Variants in CDC42BPA observed in about 807,000 individuals in gnomAD.
CDC42BPA encodes serine/threonine-protein kinase MRCK alpha.
CDC42BPA carries 80 observed loss-of-function variants against 223.5 expected under a neutral mutation model. That is an observed-to-expected ratio of 0.36 (90% CI 0.30 to 0.43). CDC42BPA has a LOEUF of 0.43. CDC42BPA is among the 20% of genes least tolerant of loss of function. The probability of loss-of-function intolerance (pLI) is 1.00; values close to 1 mark genes in which losing one functional copy is unlikely to be tolerated. For synonymous variants in CDC42BPA, 694 were observed against 718.6 expected (o/e 0.97, Z 0.55); for missense variants, 1,743 against 2,099.9 (o/e 0.83, Z 3.32).
Position 226,993,923 on chromosome 1 carries a change from G to A in CDC42BPA, c.*345C>T, listed in dbSNP as rs1661061860. 5.3e-6 allele frequency: 1 copy of A among 187,402 alleles called. No individual in the cohort carries two copies. Among genetic ancestry groups the A allele is most frequent in the African/African-American group, 2.4e-5 (1 of 42,194 alleles). The allele number at this position is 187,402 out of a possible 1,614,324, so 11.6% of individuals were successfully genotyped here. On this transcript the variant is annotated 3_prime_UTR_variant, in exon 37 of 37. Transcript: ENST00000366766. ...ACTATAATGAGACTCTACTGTGAAA[G>A]CAAAATCTGTCTAATCTTATTCTTA...
At chr1:227,032,992 T>G (rs908958123) in intron 27 of CDC42BPA, among the ~76,000 whole-genome samples, 1 of 152,232 alleles carries the variant, frequency 6.6e-6, no homozygotes, top group Admixed American at 6.5e-5. Flanking sequence ...CGCATTAATT[T>G]TTCAAGACAG....
chr1:227,033,257 A>G, intron 27 of CDC42BPA, 77 bp downstream of exon 27: 2 of 851,980 alleles, frequency 2.3e-6, no homozygotes, highest in Non-Finnish European at 3.9e-6. Context: ...TAGTGAATTT[A>G]TGATTTATAT....
intron 5 of CDC42BPA, among the ~76,000 whole-genome samples, chr1:227,171,216 CTAAT>C (rs1558668785): frequency 1.3e-5 from 2 of 152,174 alleles, no homozygotes; most frequent in African/African-American, 2.4e-5. Flanking sequence ...AACATGTACA[CTAAT>C]TAAAGTTTCT....
chr1:227,259,829 T>C (rs1423504162), intron 1 of CDC42BPA, among the ~76,000 whole-genome samples: 2 of 150,810 alleles, frequency 1.3e-5, no homozygotes, highest in African/African-American at 2.5e-5. Flanking sequence ...GAATGTGATA[T>C]AAAAATAAAC....
At position 227,011,736 on chromosome 1, in the gene CDC42BPA, A is replaced by G. The variant is rs200814770; in HGVS notation, c.4857+4344T>C. ...AATAATGTAATATCAAAGATATAGA[A>G]AAAAGCTTTTGAATCCAAGGACTAT... is the stretch of plus-strand genomic sequence containing the variant. On this transcript the variant is annotated intron_variant, in intron 34 of 36. Coordinates refer to ENST00000366766, the MANE Select transcript of CDC42BPA (RefSeq NM_001394014.1). Among the ~76,000 whole-genome samples the G allele has an allele frequency of 3.3e-5, 5 of 152,316 alleles. No homozygotes were observed. The East Asian group carries it at 5.8e-4, about 18-fold the overall frequency.
At chr1:227,226,320 G>A (rs1023759868) in intron 2 of CDC42BPA, among the ~76,000 whole-genome samples, 11 of 152,306 alleles carry the variant, frequency 7.2e-5, no homozygotes, top group Admixed American at 5.9e-4. Flanking sequence ...TTGGCTCCAG[G>A]TTTAAGTCTT....
intron 5 of CDC42BPA, among the ~76,000 whole-genome samples, chr1:227,177,125 A>C (rs1249339125): frequency 5.9e-5 from 3 of 50,516 alleles, no homozygotes; most frequent in Non-Finnish European, 1.2e-4. Flanking sequence ...TTAAAGATGT[A>C]AGAAAAAAAA....
At position 227,284,261 on chromosome 1, in the gene CDC42BPA, A is replaced by T. The variant is rs540486328; in HGVS notation, c.179-30106T>A. 2.6e-5 allele frequency among the ~76,000 whole-genome samples: 4 copies of T among 152,256 alleles called. No individual in the cohort carries two copies. In the East Asian group the frequency reaches 5.8e-4, roughly 22 times the overall value. On this transcript the variant is annotated intron_variant, in intron 1 of 36. Transcript: ENST00000366766. Reference sequence around the variant, plus strand: ...GCATTTCCTAAAAAGTAATGATTTAATTTTTTATATTTTATTCTCCTTGAA... The same window carrying T: ...GCATTTCCTAAAAAGTAATGATTTATTTTTTTATATTTTATTCTCCTTGAA...
chr1:227,313,130 C>T (rs1693813358), intron 1 of CDC42BPA, among the ~76,000 whole-genome samples: 1 of 152,046 alleles, frequency 6.6e-6, no homozygotes, highest in Admixed American at 6.6e-5. Flanking sequence ...TATAATACAA[C>T]CCTGTCTCTA....
Position 227,023,247 on chromosome 1 carries a change from AT to A in CDC42BPA, c.4615+15del. On this transcript the variant is annotated intron_variant, in intron 32 of 36. Transcript: ENST00000366766. ...TTCCAATGAAGCTATCCCTATGAAT[AT>A]ATGTATTTTCTTACCTGCCATCTTA... The A allele has an allele frequency of 8.9e-7, 1 of 1,126,410 alleles. No individual in the cohort carries two copies. The highest frequency in any genetic ancestry group is 1.3e-6 in the Non-Finnish European group (1 of 753,292). 69.8% of individuals were successfully genotyped at this position (1,126,410 alleles called of 1,614,324 possible). A position where few individuals can be genotyped will look rare whatever the true frequency, so the allele number is the denominator to read the frequency against.
intron 1 of CDC42BPA, among the ~76,000 whole-genome samples, chr1:227,275,231 ATAAAAAT>A (rs980144771): frequency 1.1e-3 from 171 of 152,244 alleles, no homozygotes; most frequent in African/African-American, 3.8e-3. Context: ...CAGGTCAAAA[ATAAAAAT>A]TAGAAAGCAG....
At chr1:227,113,061 A>G (rs1173056659) in intron 12 of CDC42BPA, 148 bp from the exon 13 acceptor site, 1 of 702,518 alleles carries the variant, frequency 1.4e-6, no homozygotes, top group Non-Finnish European at 2.4e-6. Context: ...CTGAACAGAT[A>G]TTAACGGCAT....
At chr1:227,102,842 A>G (rs1400002802) in intron 14 of CDC42BPA, among the ~76,000 whole-genome samples, 3 of 152,136 alleles carry the variant, frequency 2.0e-5, no homozygotes, top group Non-Finnish European at 2.9e-5. Context: ...TTTAAAATCC[A>G]AATGATAATC....
intron 5 of CDC42BPA, among the ~76,000 whole-genome samples, chr1:227,191,669 T>C (rs943166807): frequency 9.5e-5 from 14 of 147,426 alleles, no homozygotes; most frequent in African/African-American, 3.5e-4. Flanking sequence ...ACTCTATGTT[T>C]AGTAACATTC....
At chr1:227,206,334 A>C (rs532504655) in intron 3 of CDC42BPA, among the ~76,000 whole-genome samples, 171 of 131,658 alleles carry the variant, frequency 1.3e-3, no homozygotes, top group Non-Finnish European at 2.2e-3. Context: ...TGTAAATGAT[A>C]AATCTGTGAA....
chr1:227,124,666 G>C (rs1165954579), intron 11 of CDC42BPA, among the ~76,000 whole-genome samples: 1 of 152,106 alleles, frequency 6.6e-6, no homozygotes, highest in Non-Finnish European at 1.5e-5. Context: ...GGGCAAGGAA[G>C]TAGTAACAAG....
chr1:227,162,856 AAATAAAT>A (rs774607632), intron 5 of CDC42BPA, among the ~76,000 whole-genome samples: 9 of 40,280 alleles, frequency 2.2e-4, no homozygotes, highest in African/African-American at 6.2e-4. Context: ...AAATAAAATA[AAATAAAT>A]ATATATGTGT....
At chr1:227,180,702 A>G (rs1667786043) in intron 5 of CDC42BPA, 1 of 152,196 alleles carries the variant, frequency 6.6e-6, no homozygotes, top group Non-Finnish European at 1.5e-5. Flanking sequence ...AAAACACCAC[A>G]AAAGTTCCTC....
At chr1:227,297,740 CAG>C (rs1690889330) in intron 1 of CDC42BPA, among the ~76,000 whole-genome samples, 2 of 151,698 alleles carry the variant, frequency 1.3e-5, no homozygotes, top group South Asian at 2.1e-4. Context: ...TGTAGAAATT[CAG>C]AGAGACAGAA....
Sources: allele counts gnomAD v4.1 joint callset (sites outside exome capture counted in the v4.1 genomes callset), GRCh38; gene constraint gnomAD v4.1.1; transcripts MANE v1.5; gene names NCBI Gene and HGNC (gene_info 2026-07-23, HGNC 2026-07-21).